CHCHD6: variants seen among roughly 807,000 people sequenced by gnomAD.
CHCHD6 encodes the protein coiled-coil-helix-coiled-coil-helix domain containing 6.
Under a neutral mutation model 32.3 loss-of-function variants are expected in CHCHD6, and 28 were observed. The observed-to-expected ratio is 0.87, with a 90% confidence interval of 0.64 to 1.19. The LOEUF (loss-of-function observed/expected upper bound fraction) is 1.19, where lower values mean the gene tolerates loss of function less well. CHCHD6 is among the 50% of genes most tolerant of loss of function. The pLI, the probability that CHCHD6 is intolerant of heterozygous loss-of-function variation, is 0.00. For missense variants in CHCHD6, 333 were observed against 307.0 expected, an observed-to-expected ratio of 1.08 and a Z score of -0.63; for synonymous variants, 122 against 117.5, an observed-to-expected ratio of 1.04 and a Z score of -0.25.
At chr3:126,766,538 C>G in intron 4 of CHCHD6, 1 of 958,462 alleles carries the variant, frequency 1.0e-6, no homozygotes, top group Non-Finnish European at 1.7e-6. Flanking sequence ...CCCATGGTGA[C>G]CTCTGAGAAA....
intron 4 of CHCHD6, among the ~76,000 whole-genome samples, chr3:126,849,899 T>C (rs1941412772): frequency 6.6e-6 from 1 of 152,240 alleles, no homozygotes; most frequent in Non-Finnish European, 1.5e-5. Flanking sequence ...ACCACAGTTG[T>C]GCTGCGTGCT....
chr3:126,942,009 T>C (rs760720361), intron 6 of CHCHD6, among the ~76,000 whole-genome samples: 5 of 152,194 alleles, frequency 3.3e-5, no homozygotes, highest in Admixed American at 6.5e-5. Flanking sequence ...CCTTACTCTT[T>C]CGTGTCTCTC....
chr3:126,865,064 CTTT>C (rs1251482972), intron 5 of CHCHD6, among the ~76,000 whole-genome samples: 9 of 140,938 alleles, frequency 6.4e-5, no homozygotes, highest in South Asian at 4.5e-4. Flanking sequence ...CCTCCTCCTC[CTTT>C]TCCACCACCT....
At chr3:126,911,271 G>A (rs957082902) in intron 5 of CHCHD6, among the ~76,000 whole-genome samples, 2 of 152,170 alleles carry the variant, frequency 1.3e-5, no homozygotes, top group African/African-American at 2.4e-5. Context: ...GGCACTTGGC[G>A]GGTTCTCAGT....
At chr3:126,889,056 C>T (rs1004475992) in intron 5 of CHCHD6, among the ~76,000 whole-genome samples, 4 of 152,168 alleles carry the variant, frequency 2.6e-5, no homozygotes, top group Middle Eastern at 3.2e-3. Flanking sequence ...GAGTGACCAG[C>T]ACGGGTTGGT....
intron 4 of CHCHD6, among the ~76,000 whole-genome samples, chr3:126,768,833 T>C (rs2107675910): frequency 6.6e-6 from 1 of 152,344 alleles, no homozygotes. Flanking sequence ...TTGAGCATTT[T>C]TTCATATGCT....
intron 4 of CHCHD6, among the ~76,000 whole-genome samples, chr3:126,795,843 T>C (rs1212552921): frequency 1.3e-5 from 2 of 152,160 alleles, no homozygotes; most frequent in Non-Finnish European, 2.9e-5. Flanking sequence ...GAAGCCAGAA[T>C]GGTTTACTTA....
intron 5 of CHCHD6, among the ~76,000 whole-genome samples, chr3:126,882,597 A>G (rs1057232583): frequency 3.9e-5 from 6 of 152,208 alleles, no homozygotes; most frequent in Admixed American, 3.9e-4. Flanking sequence ...CAGGCCCTAT[A>G]TTAGGCACAT....
intron 4 of CHCHD6, among the ~76,000 whole-genome samples, chr3:126,833,926 C>T (rs963511020): frequency 4.7e-5 from 7 of 149,834 alleles, no homozygotes; most frequent in Middle Eastern, 3.4e-3. Flanking sequence ...TAGTGGCGGG[C>T]GCCTGTAGTC....
chr3:126,870,404 G>A (rs970270728), intron 5 of CHCHD6, among the ~76,000 whole-genome samples: 6 of 152,194 alleles, frequency 3.9e-5, no homozygotes, highest in African/African-American at 2.4e-5. Flanking sequence ...GGAGGTCGGG[G>A]AGCTAAGGGC....
intron 5 of CHCHD6, chr3:126,865,727 A>G: frequency 2.0e-6 from 2 of 985,316 alleles, no homozygotes; most frequent in South Asian, 9.4e-5. Context: ...TCTACTCTGC[A>G]TACTGCTTCT....
At chr3:126,902,702 G>A (rs2077946596) in intron 5 of CHCHD6, among the ~76,000 whole-genome samples, 1 of 142,124 alleles carries the variant, frequency 7.0e-6, no homozygotes, top group South Asian at 2.3e-4. Context: ...GGGCGACAGA[G>A]CAAGACTCCA....
chr3:126,706,310 A>G (rs1934485882), intron 1 of CHCHD6, among the ~76,000 whole-genome samples: 1 of 152,254 alleles, frequency 6.6e-6, no homozygotes, highest in Non-Finnish European at 1.5e-5. Flanking sequence ...TCTGTATTTA[A>G]AGATGGAGAA....
chr3:126,773,750 C>G (rs541133702), intron 4 of CHCHD6, among the ~76,000 whole-genome samples: 1 of 152,044 alleles, frequency 6.6e-6, no homozygotes, highest in Non-Finnish European at 1.5e-5. Context: ...GGATTACAGG[C>G]ACACACTGTC....
At chr3:126,857,269 C>T (rs1941693366) in intron 5 of CHCHD6, among the ~76,000 whole-genome samples, 1 of 152,132 alleles carries the variant, frequency 6.6e-6, no homozygotes, top group Non-Finnish European at 1.5e-5. Flanking sequence ...TGAAACGCTT[C>T]GTCTCACTTT....
chr3:126,905,652 G>A (rs939236748), intron 5 of CHCHD6, among the ~76,000 whole-genome samples: 2 of 152,114 alleles, frequency 1.3e-5, no homozygotes, highest in African/African-American at 4.8e-5. Flanking sequence ...CAGCGGGGTG[G>A]CCAGGATGGG....
chr3:126,821,139 T>C (rs1005430214), intron 4 of CHCHD6, among the ~76,000 whole-genome samples: 4 of 152,250 alleles, frequency 2.6e-5, no homozygotes, highest in African/African-American at 9.6e-5. Flanking sequence ...TCATCCATAT[T>C]GTAGCATGTA....
At chr3:126,910,905 A>G (rs963432217) in intron 5 of CHCHD6, among the ~76,000 whole-genome samples, 2 of 152,150 alleles carry the variant, frequency 1.3e-5, no homozygotes, top group African/African-American at 2.4e-5. Context: ...ATGCATGCAC[A>G]GCACCTCGCC....
At chr3:126,783,026 A>C (rs1342831236) in intron 4 of CHCHD6, among the ~76,000 whole-genome samples, 6 of 152,168 alleles carry the variant, frequency 3.9e-5, no homozygotes, top group South Asian at 2.1e-4. Flanking sequence ...TATAGTCACC[A>C]TTCTGTACAT....
Sources: allele counts gnomAD v4.1 joint callset (sites outside exome capture counted in the v4.1 genomes callset), GRCh38; gene constraint gnomAD v4.1.1; transcripts MANE v1.5; gene names NCBI Gene and HGNC (gene_info 2026-07-23, HGNC 2026-07-21).